The following ZFR variants were observed in gnomAD, a reference collection of about 807,000 sequenced individuals.
ZFR encodes zinc finger RNA-binding protein.
A neutral mutation model predicts 130.7 loss-of-function variants in ZFR; 19 were observed. The ratio of observed to expected loss-of-function variants is 0.15; its 90% CI spans 0.10 to 0.21. The LOEUF is 0.21. Among genes scored for constraint, ZFR ranks in the 10% least tolerant of loss-of-function variants. The probability of loss-of-function intolerance (pLI) is 1.00; values close to 1 mark genes in which losing one functional copy is unlikely to be tolerated. For missense variants in ZFR, 872 were observed against 1,321.5 expected, an observed-to-expected ratio of 0.66 and a Z score of 5.27; for synonymous variants, 466 against 456.9, an observed-to-expected ratio of 1.02 and a Z score of -0.25.
intron 17 of ZFR, among the ~76,000 whole-genome samples, chr5:32,365,826 C>T (rs1174917449): frequency 1.3e-5 from 2 of 152,124 alleles, no homozygotes; most frequent in Non-Finnish European, 2.9e-5. Context: ...TTTTGAACTC[C>T]TGGACTCATG....
At chr5:32,367,197 G>A (rs1752565783) in intron 17 of ZFR, among the ~76,000 whole-genome samples, 1 of 152,210 alleles carries the variant, frequency 6.6e-6, no homozygotes, top group Non-Finnish European at 1.5e-5. Flanking sequence ...ACTTTGGGAG[G>A]TCAAGGTGGG....
chr5:32,374,540 A>C (rs1752753593), intron 17 of ZFR, among the ~76,000 whole-genome samples: 1 of 151,960 alleles, frequency 6.6e-6, no homozygotes, highest in South Asian at 2.1e-4. Flanking sequence ...AATAAATAAA[A>C]TTTGAAGCTA....
intron 8 of ZFR, among the ~76,000 whole-genome samples, chr5:32,402,687 C>T (rs370130072): frequency 2.7e-5 from 4 of 149,988 alleles, no homozygotes; most frequent in African/African-American, 7.4e-5. Flanking sequence ...CTGAGGTGGG[C>T]GGATCGCTTG....
intron 8 of ZFR, among the ~76,000 whole-genome samples, chr5:32,402,561 A>C (rs1336446506): frequency 3.3e-5 from 5 of 151,270 alleles, no homozygotes; most frequent in Non-Finnish European, 7.4e-5. Context: ...GCTCAGGAGA[A>C]TTCGAGATCA....
intron 2 of ZFR, among the ~76,000 whole-genome samples, chr5:32,426,832 G>T (rs1490731262): frequency 6.6e-6 from 1 of 151,812 alleles, no homozygotes; most frequent in Non-Finnish European, 1.5e-5. Context: ...GAAAACCCAG[G>T]GGGCGGAGGT....
At chr5:32,363,772 T>C (rs1752482661) in intron 19 of ZFR, among the ~76,000 whole-genome samples, 176 bp downstream of exon 19, 1 of 152,168 alleles carries the variant, frequency 6.6e-6, no homozygotes. Flanking sequence ...TAAACTCTAT[T>C]AGTGAAATCT....
intron 14 of ZFR, among the ~76,000 whole-genome samples, chr5:32,386,102 G>GTA (rs1753040820): frequency 6.6e-6 from 1 of 152,076 alleles, no homozygotes; most frequent in Non-Finnish European, 1.5e-5. Context: ...AGGATTTGCT[G>GTA]TAATTTGGTA....
chr5:32,429,830 A>G (rs950628411), intron 2 of ZFR, among the ~76,000 whole-genome samples: 1 of 152,102 alleles, frequency 6.6e-6, no homozygotes, highest in African/African-American at 2.4e-5. Flanking sequence ...GCATTTTGGG[A>G]GGTCAAAGGG....
chr5:32,424,137 T>C (rs961823549), intron 2 of ZFR, among the ~76,000 whole-genome samples: 4 of 152,034 alleles, frequency 2.6e-5, no homozygotes, highest in African/African-American at 9.7e-5. Flanking sequence ...AGATTGGAAT[T>C]AGGGGAAGGA....
At chr5:32,370,305 T>C (rs1473547374) in intron 17 of ZFR, among the ~76,000 whole-genome samples, 5 of 116,316 alleles carry the variant, frequency 4.3e-5, no homozygotes, top group African/African-American at 1.8e-4. Context: ...TTGTGTGTTG[T>C]GGGGGGAGAG....
chr5:32,378,524 C>T (rs939971631), intron 17 of ZFR, among the ~76,000 whole-genome samples: 1 of 152,016 alleles, frequency 6.6e-6, no homozygotes, highest in Non-Finnish European at 1.5e-5. Flanking sequence ...AATCCTTGCT[C>T]TTCAGGAATC....
chr5:32,364,337 TAAAATTTTAAAGACTGAA>T (rs1447470694), intron 17 of ZFR, 62 bp from the exon 18 acceptor site: 9 of 1,371,982 alleles, frequency 6.6e-6, no homozygotes, highest in South Asian at 4.4e-5. Flanking sequence ...ATTTTCAAAC[TAAAATTTTAAAGACTGAA>T]AAAATTTTAA....
At chr5:32,436,562 C>G (rs2111867107) in intron 2 of ZFR, among the ~76,000 whole-genome samples, 1 of 152,280 alleles carries the variant, frequency 6.6e-6, no homozygotes, top group Middle Eastern at 3.4e-3. Context: ...CACCAGCCAC[C>G]TACTGAATAA....
chr5:32,421,901 C>T (rs560007053), intron 2 of ZFR, among the ~76,000 whole-genome samples: 14 of 152,106 alleles, frequency 9.2e-5, no homozygotes, highest in African/African-American at 3.1e-4. Context: ...AGGAACAACT[C>T]CATATCTGTA....
rs1303138952 is a variant in ZFR at position 32,439,307 on chromosome 5, T to C, written c.137+4922A>G. The stretch of plus-strand genomic sequence containing the variant: ...CAAAAACCTGTTCACCTGGTTTTTT[T>C]ACTTTCTCAGTGTTTAATCCTTTTC... On this transcript the variant is annotated intron_variant, in intron 2 of 19. Transcript: ENST00000265069. 3.3e-5 allele frequency among the ~76,000 whole-genome samples: 5 copies of C among 152,260 alleles called. No homozygotes were observed. The East Asian group carries it at 9.6e-4, about 29-fold the overall frequency.
intron 2 of ZFR, among the ~76,000 whole-genome samples, chr5:32,442,876 A>T (rs1053354954): frequency 1.1e-4 from 16 of 152,264 alleles, no homozygotes; most frequent in African/African-American, 3.9e-4. Flanking sequence ...TGAACATGAA[A>T]ACCCAACTAT....
rs1385476264 is a variant in ZFR, at chr5:32,388,537, G to A, written c.2280C>T (p.Asp760=). The A allele has an allele frequency of 6.2e-7, 1 of 1,613,866 alleles. No individual in the cohort carries two copies. The highest frequency in any genetic ancestry group is 8.5e-7 in the Non-Finnish European group (1 of 1,179,902). The change falls in exon 13 of 20, where the codon GAC becomes GAT. Residue 760 remains aspartate (D), a synonymous_variant. Coordinates refer to ENST00000265069, the MANE Select transcript of ZFR (RefSeq NM_016107.5). ...ITERALKLVS[D]SLSEHEKNKN... ...TGTTCTTCTCATGTTCAGACAAACTGTCTGAAACGAGTTTTAAAGCACGTT... is the reference window on the plus strand; with the variant it reads ...TGTTCTTCTCATGTTCAGACAAACTATCTGAAACGAGTTTTAAAGCACGTT...
At chr5:32,403,825 G>A (rs1753522323) in intron 7 of ZFR, 81 bp downstream of exon 7, 1 of 1,389,678 alleles carries the variant, frequency 7.2e-7, no homozygotes, top group African/African-American at 1.4e-5. Context: ...GAACTTTGAA[G>A]TTACCTTTAC....
intron 2 of ZFR, among the ~76,000 whole-genome samples, chr5:32,424,141 G>A (rs1466760739): frequency 6.6e-6 from 1 of 152,202 alleles, no homozygotes; most frequent in Non-Finnish European, 1.5e-5. Context: ...TGGAATTAGG[G>A]GAAGGACAGA....
Sources: gnomAD v4.1 joint callset for allele counts (sites outside exome capture counted in the v4.1 genomes callset) on GRCh38, gnomAD v4.1.1 for gene constraint, MANE v1.5 for transcripts, NCBI Gene and HGNC (gene_info 2026-07-23, HGNC 2026-07-21) for gene names.